Variants in PDE6D observed in about 807,000 individuals in gnomAD.
The protein encoded by PDE6D is phosphodiesterase 6D, also known as retinal rod rhodopsin-sensitive cGMP 3',5'-cyclic phosphodiesterase subunit delta.
PDE6D carries 10 observed loss-of-function variants against 21.9 expected under a neutral mutation model. The ratio of observed to expected loss-of-function variants is 0.46; its 90% CI spans 0.28 to 0.78. The LOEUF (loss-of-function observed/expected upper bound fraction) is 0.78. PDE6D is among the 30% of genes least tolerant of loss of function. The pLI, the probability that PDE6D is intolerant of heterozygous loss-of-function variation, is 0.12. For synonymous variants in PDE6D, 59 were observed against 63.5 expected (o/e 0.93, Z 0.34); for missense variants, 139 against 184.8 (o/e 0.75, Z 1.44).
At chr2:231,762,339 C>CTTTTTTTTT (rs3074725) in intron 1 of PDE6D, among the ~76,000 whole-genome samples, 1 of 83,458 alleles carries the variant, frequency 1.2e-5, no homozygotes, top group East Asian at 3.0e-4. Flanking sequence ...AGGACTAACG[C>CTTTTTTTTT]TTTTTTTTTT....
At chr2:231,744,804 T>TATAATA (rs2048780597) in intron 1 of PDE6D, among the ~76,000 whole-genome samples, 1 of 152,228 alleles carries the variant, frequency 6.6e-6, no homozygotes, top group African/African-American at 2.4e-5. Flanking sequence ...TTTAGCCAGT[T>TATAATA]CAATATACAT....
chr2:231,758,962 T>C (rs181418405), intron 1 of PDE6D, among the ~76,000 whole-genome samples: 1 of 152,252 alleles, frequency 6.6e-6, no homozygotes, highest in East Asian at 1.9e-4. Flanking sequence ...CCATACTCTA[T>C]ACCACCAGAC....
intron 1 of PDE6D, among the ~76,000 whole-genome samples, chr2:231,766,171 T>A (rs925005932): frequency 6.6e-6 from 1 of 152,210 alleles, no homozygotes; most frequent in African/African-American, 2.4e-5. Context: ...TAATCAGTGG[T>A]GATATCCCCG....
intron 1 of PDE6D, among the ~76,000 whole-genome samples, chr2:231,752,996 T>G (rs1215446379): frequency 6.6e-6 from 1 of 150,604 alleles, no homozygotes; most frequent in Non-Finnish European, 1.5e-5. Flanking sequence ...CACGCCCGGC[T>G]AATTTTTTGT....
intron 1 of PDE6D, among the ~76,000 whole-genome samples, chr2:231,753,968 G>A (rs2048863124): frequency 6.6e-6 from 1 of 152,126 alleles, no homozygotes; most frequent in Non-Finnish European, 1.5e-5. Context: ...GCCCCTCTAT[G>A]CACTCTGGTG....
At chr2:231,733,133 T>G (rs2048665729) in intron 4 of PDE6D, 100 bp from the exon 5 acceptor site, 1 of 794,996 alleles carries the variant, frequency 1.3e-6, no homozygotes, top group South Asian at 1.5e-5. Context: ...CCTGGGCCAA[T>G]GGACATGCAC....
chr2:231,740,784 T>C (rs1044806016), intron 1 of PDE6D, among the ~76,000 whole-genome samples: 5 of 148,190 alleles, frequency 3.4e-5, no homozygotes, highest in African/African-American at 1.2e-4. Flanking sequence ...TCTAGAAAGG[T>C]AGAACAGAGA....
intron 1 of PDE6D, among the ~76,000 whole-genome samples, chr2:231,760,517 G>A (rs2048917272): frequency 6.6e-6 from 1 of 152,068 alleles, no homozygotes; most frequent in Admixed American, 6.6e-5. Flanking sequence ...CCAGTTAAGT[G>A]GTCAAGTTGG....
intron 1 of PDE6D, among the ~76,000 whole-genome samples, chr2:231,740,201 G>T (rs1426219753): frequency 6.6e-6 from 1 of 151,966 alleles, no homozygotes; most frequent in Non-Finnish European, 1.5e-5. Flanking sequence ...TCTAACATAA[G>T]TATTTATATT....
rs1319231514 is a variant in PDE6D at position 231,750,397 on chromosome 2, A to G, written c.51-11209T>C. ...ATGACAGGTGGTATAGAGGGGGACA[A>G]TATCTTTAAATTCATATATTATTTG... On this transcript the variant is annotated intron_variant, in intron 1 of 4. Coordinates refer to ENST00000287600, the MANE Select transcript of PDE6D (RefSeq NM_002601.4). Among the ~76,000 whole-genome samples the G allele has an allele frequency of 6.6e-5, 10 of 152,188 alleles. No individual in the cohort carries two copies. In the East Asian group the frequency reaches 1.2e-3, roughly 18 times the overall value.
intron 1 of PDE6D, among the ~76,000 whole-genome samples, chr2:231,763,313 A>G (rs569392342): frequency 2.0e-5 from 3 of 152,144 alleles, no homozygotes; most frequent in South Asian, 4.2e-4. Flanking sequence ...TCACTTAATC[A>G]TTTCCCTCCA....
intron 1 of PDE6D, among the ~76,000 whole-genome samples, chr2:231,768,833 ATATAATAC>A (rs1386979176): frequency 6.6e-6 from 1 of 151,932 alleles, no homozygotes; most frequent in African/African-American, 2.4e-5. Context: ...TCTCTCCCTT[ATATAATAC>A]AAGTTATTTG....
At position 231,775,492 on chromosome 2, in the gene PDE6D, T is replaced by TG. The variant is rs1163145617; in HGVS notation, c.50+5572_50+5573insC. On this transcript the variant is annotated intron_variant, in intron 1 of 4. Coordinates refer to ENST00000287600, the MANE Select transcript of PDE6D (RefSeq NM_002601.4). Reference sequence around the variant, plus strand: ...CCTGGCTAATTTTTGTGTGTGTTTTTTTTTTTTTTTTGTAGAGGCGGGGTC... The same window carrying TG: ...CCTGGCTAATTTTTGTGTGTGTTTTTGTTTTTTTTTTTGTAGAGGCGGGGTC... 5.6e-4 allele frequency among the ~76,000 whole-genome samples: 84 copies of TG among 150,158 alleles called. No individual in the cohort carries two copies. In the Middle Eastern group the frequency reaches 0.024, roughly 43 times the overall value.
At chr2:231,733,692 C>CA (rs2048670182) in intron 4 of PDE6D, among the ~76,000 whole-genome samples, 1 of 138,216 alleles carries the variant, frequency 7.2e-6, no homozygotes, top group Non-Finnish European at 1.7e-5. Flanking sequence ...TCTTCCAAGC[C>CA]GCCCAGCTCT....
At position 231,774,295 on chromosome 2, in the gene PDE6D, C is replaced by T. The variant is rs773128789; in HGVS notation, c.50+6770G>A. On this transcript the variant is annotated intron_variant, in intron 1 of 4. Transcript: ENST00000287600. ...CAGCAGATATTACTATATGCCAGGCCCTGAACCAAACATCTTTTATGCAGT... is the reference window on the plus strand; with the variant it reads ...CAGCAGATATTACTATATGCCAGGCTCTGAACCAAACATCTTTTATGCAGT... 9.9e-5 allele frequency among the ~76,000 whole-genome samples: 15 copies of T among 152,098 alleles called. No individual in the cohort carries two copies. The East Asian group carries it at 2.5e-3, about 25-fold the overall frequency.
intron 1 of PDE6D, among the ~76,000 whole-genome samples, chr2:231,757,022 G>A (rs1193003295): frequency 2.0e-5 from 3 of 151,924 alleles, no homozygotes; most frequent in South Asian, 2.1e-4. Context: ...GCAGTGGTAC[G>A]ATCACAGCTC....
intron 1 of PDE6D, among the ~76,000 whole-genome samples, chr2:231,777,339 AT>A (rs1273111032): frequency 3.0e-4 from 44 of 147,668 alleles, no homozygotes; most frequent in Non-Finnish European, 2.7e-4. Flanking sequence ...GTATCTTTAA[AT>A]TTTTTTTTTT....
intron 1 of PDE6D, among the ~76,000 whole-genome samples, chr2:231,775,345 T>C (rs1453815496): frequency 6.6e-6 from 1 of 152,064 alleles, no homozygotes; most frequent in Non-Finnish European, 1.5e-5. Flanking sequence ...TCTCACTCTG[T>C]TACCCTGGTT....
At chr2:231,761,978 A>C (rs1223299033) in intron 1 of PDE6D, among the ~76,000 whole-genome samples, 2 of 152,190 alleles carry the variant, frequency 1.3e-5, no homozygotes, top group South Asian at 2.1e-4. Flanking sequence ...GGGCTAGAAG[A>C]GCTGAGGGAA....
Sources: allele counts gnomAD v4.1 joint callset (sites outside exome capture counted in the v4.1 genomes callset), GRCh38; gene constraint gnomAD v4.1.1; transcripts MANE v1.5; gene names NCBI Gene and HGNC (gene_info 2026-07-23, HGNC 2026-07-21).